Variants in ADD1 observed in about 807,000 individuals in gnomAD.
The protein encoded by ADD1 is adducin 1, also known as alpha-adducin.
ADD1 carries 24 observed loss-of-function variants against 80.5 expected under a neutral mutation model. The ratio of observed to expected loss-of-function variants is 0.30; its 90% CI spans 0.22 to 0.42. The LOEUF (loss-of-function observed/expected upper bound fraction) is 0.42. Ranked by LOEUF, ADD1 falls within the 10% of genes least tolerant of loss-of-function variation. The probability of loss-of-function intolerance (pLI) is 1.00; values close to 1 mark genes in which losing one functional copy is unlikely to be tolerated. For synonymous variants in ADD1, 373 were observed against 393.8 expected (o/e 0.95, Z 0.63); for missense variants, 948 against 1,019.0 (o/e 0.93, Z 0.95).
intron 1 of ADD1, among the ~76,000 whole-genome samples, chr4:2,874,604 C>CAA (rs576430508): frequency 3.1e-5 from 3 of 98,014 alleles, no homozygotes; most frequent in African/African-American, 4.3e-5. Flanking sequence ...GAGACTGTCT[C>CAA]AAAAAAAAAA....
intron 1 of ADD1, among the ~76,000 whole-genome samples, chr4:2,863,320 A>G (rs1338238197): frequency 6.7e-6 from 1 of 150,098 alleles, no homozygotes; most frequent in African/African-American, 2.5e-5. Flanking sequence ...CTGCCTCCCA[A>G]GGTGCTGGGA....
intron 1 of ADD1, among the ~76,000 whole-genome samples, chr4:2,871,079 C>T (rs1730362497): frequency 6.6e-6 from 1 of 151,962 alleles, no homozygotes; most frequent in African/African-American, 2.4e-5. Flanking sequence ...TGCCATTCTC[C>T]TGTCTCAGCC....
At chr4:2,905,398 CTCT>C in intron 10 of ADD1, 1 of 431,208 alleles carries the variant, frequency 2.3e-6, no homozygotes, top group Non-Finnish European at 4.1e-6. Context: ...CAAATAGGAG[CTCT>C]TCTTATTTAA....
intron 1 of ADD1, among the ~76,000 whole-genome samples, chr4:2,862,989 C>G (rs1320244341): frequency 6.6e-6 from 1 of 152,106 alleles, no homozygotes; most frequent in Non-Finnish European, 1.5e-5. Context: ...CCACTTCTCT[C>G]CATGACCCAA....
chr4:2,923,839 C>T (rs934523991), intron 14 of ADD1, among the ~76,000 whole-genome samples: 16 of 152,214 alleles, frequency 1.1e-4, no homozygotes, highest in Middle Eastern at 3.2e-3. Flanking sequence ...GGGCGGCTCG[C>T]GAGAACGAGG....
rs1218841951 is a variant in ADD1, at chr4:2,909,275, G to A, written c.1699-64G>A. ...ATGCTCTTAGCCAGCTCCATCCTGT[G>A]CTCTCAGCTGATATTTCACAGGCTG... On this transcript the variant is annotated intron_variant, in intron 12 of 15. Coordinates refer to ENST00000683351, the MANE Select transcript of ADD1 (RefSeq NM_001354761.2). 1.2e-5 allele frequency: 16 copies of A among 1,369,108 alleles called. No homozygotes were observed. The South Asian group carries it at 1.9e-4, about 16-fold the overall frequency. The allele number at this position is 1,369,108 out of a possible 1,614,324, so 84.8% of individuals were successfully genotyped here. A position where few individuals can be genotyped will look rare whatever the true frequency, so the allele number is the denominator to read the frequency against.
intron 14 of ADD1, among the ~76,000 whole-genome samples, chr4:2,916,436 C>T (rs1175482251): frequency 3.9e-5 from 6 of 152,008 alleles, no homozygotes; most frequent in South Asian, 2.1e-4. Context: ...ACTCGTGATC[C>T]GCCCGCCTTG....
At position 2,894,142 on chromosome 4, in the gene ADD1, G is replaced by A. The variant is rs774736988; in HGVS notation, c.591+49G>A. ...AGCTTGTATGTGCAGGTCATGTTAG[G>A]TCATTCAACATCTTCAGATCAGCTA... On this transcript the variant is annotated intron_variant, in intron 5 of 15. Coordinates refer to ENST00000683351, the MANE Select transcript of ADD1 (RefSeq NM_001354761.2). The A allele has an allele frequency of 1.9e-5, 27 of 1,436,676 alleles. No homozygotes were observed. In the Admixed American group the frequency reaches 2.0e-4, roughly 11 times the overall value. The allele number at this position is 1,436,676 out of a possible 1,614,324, so 89.0% of individuals were successfully genotyped here.
intron 14 of ADD1, among the ~76,000 whole-genome samples, chr4:2,920,657 C>CTTTTTT (rs55649630): frequency 7.3e-6 from 1 of 136,532 alleles, no homozygotes; most frequent in East Asian, 2.1e-4. Context: ...GCAACTCCTG[C>CTTTTTT]TTTTTTTTTT....
intron 1 of ADD1, among the ~76,000 whole-genome samples, chr4:2,865,145 G>T (rs756906038): frequency 2.0e-5 from 3 of 151,798 alleles, no homozygotes; most frequent in Non-Finnish European, 4.4e-5. Context: ...CCCCACAAAA[G>T]ATGCCATACA....
chr4:2,916,276 A>T (rs1398365718), intron 14 of ADD1, among the ~76,000 whole-genome samples: 2 of 151,348 alleles, frequency 1.3e-5, no homozygotes, highest in Admixed American at 6.6e-5. Flanking sequence ...GCTCACTGCA[A>T]TCTCCGCCTC....
At chr4:2,859,863 T>C (rs1728590875) in intron 1 of ADD1, among the ~76,000 whole-genome samples, 1 of 152,170 alleles carries the variant, frequency 6.6e-6, no homozygotes, top group Non-Finnish European at 1.5e-5. Context: ...CACTTTATAA[T>C]GACATACTTT....
chr4:2,876,208 C>G, intron 2 of ADD1, 98 bp downstream of exon 2: 1 of 1,207,206 alleles, frequency 8.3e-7, no homozygotes, highest in Non-Finnish European at 1.1e-6. Flanking sequence ...GTTCATTGAT[C>G]TTATCACAGG....
At chr4:2,881,722 A>G (rs1446132944) in intron 2 of ADD1, 176 bp from the exon 3 acceptor site, 1 of 450,514 alleles carries the variant, frequency 2.2e-6, no homozygotes, top group East Asian at 3.5e-5. Context: ...GTATTAAATT[A>G]CTTTCTAGAA....
intron 14 of ADD1, among the ~76,000 whole-genome samples, chr4:2,922,133 C>CGTA: frequency 6.6e-6 from 1 of 152,232 alleles, no homozygotes; most frequent in Non-Finnish European, 1.5e-5. Flanking sequence ...AAGTCTACTT[C>CGTA]TGTCAGTTCA....
At chr4:2,871,078 C>T (rs930133897) in intron 1 of ADD1, among the ~76,000 whole-genome samples, 1 of 151,630 alleles carries the variant, frequency 6.6e-6, no homozygotes, top group African/African-American at 2.4e-5. Context: ...ATGCCATTCT[C>T]CTGTCTCAGC....
chr4:2,852,230 C>CCTTT (rs750995674), intron 1 of ADD1, among the ~76,000 whole-genome samples: 12,696 of 113,134 alleles, frequency 0.11, 1,223 homozygotes, highest in Middle Eastern at 0.17. Context: ...TCCTTTCTTT[C>CCTTT]CTTTCTTTCT....
chr4:2,876,008 C>A lies in ADD1; in HGVS notation c.93C>A (p.Asn31Lys). 6.2e-7 allele frequency: 1 copy of A among 1,614,122 alleles called. No homozygotes were observed. Among genetic ancestry groups the A allele is most frequent in the South Asian group, 1.1e-5 (1 of 91,066 alleles). ...KERYFDRVDENNPEYLRERNM... is the reference protein window; with the variant it reads ...KERYFDRVDEKNPEYLRERNM... ...GGTACTTCGACCGAGTAGATGAGAA[C>A]AACCCAGAGTACTTGAGGGAGAGGA... Residue 31 changes from asparagine to lysine, a missense_variant, in exon 2 of 16, where the codon AAC becomes AAA. Asn to Lys is a moderately conservative substitution (Grantham distance 94). Transcript: ENST00000683351.
At chr4:2,852,189 T>TCTTCCTTTCTTCCTTTCTTC (rs1553815103) in intron 1 of ADD1, among the ~76,000 whole-genome samples, 2 of 50,754 alleles carry the variant, frequency 3.9e-5, no homozygotes, top group African/African-American at 6.9e-5. Flanking sequence ...TTTCTTTCTT[T>TCTTCCTTTCTTCCTTTCTTC]CTTTCTTTCC....
Sources: allele counts gnomAD v4.1 joint callset (sites outside exome capture counted in the v4.1 genomes callset), GRCh38; gene constraint gnomAD v4.1.1; transcripts MANE v1.5; gene names NCBI Gene and HGNC (gene_info 2026-07-23, HGNC 2026-07-21).